The following RP1L1 variants were observed in gnomAD, a reference collection of about 807,000 sequenced individuals.
RP1L1 encodes the protein retinitis pigmentosa 1-like 1 protein.
Under a neutral mutation model 15.7 loss-of-function variants are expected in RP1L1, and 27 were observed. The ratio of observed to expected loss-of-function variants is 1.72; its 90% CI spans 1.27 to 2.38. The LOEUF is 2.38. Ranked by LOEUF, RP1L1 falls within the 30% of genes most tolerant of loss-of-function variation. The pLI, the probability that RP1L1 is intolerant of heterozygous loss-of-function variation, is 0.00. For synonymous variants in RP1L1, 1,813 were observed against 1,276.7 expected, an observed-to-expected ratio of 1.42 and a Z score of -8.96; for missense variants, 4,798 against 3,075.9, an observed-to-expected ratio of 1.56 and a Z score of -13.24.
intron 1 of RP1L1, among the ~76,000 whole-genome samples, chr8:10,629,207 G>T (rs1350519296): frequency 6.6e-6 from 1 of 152,216 alleles, no homozygotes; most frequent in African/African-American, 2.4e-5. Flanking sequence ...CATATAAACA[G>T]CCAAGGAACA....
chr8:10,639,644 G>C (rs1798380200), intron 1 of RP1L1, among the ~76,000 whole-genome samples: 1 of 152,162 alleles, frequency 6.6e-6, no homozygotes, highest in South Asian at 2.1e-4. Flanking sequence ...AGAGCACTGG[G>C]ATTACAAGTG....
chr8:10,610,669 G>C lies in RP1L1; in HGVS notation c.3429C>G (p.Asp1143Glu), dbSNP rs373102394. The C allele has an allele frequency of 5.0e-6, 8 of 1,612,172 alleles. No individual in the cohort carries two copies. Among genetic ancestry groups the C allele is most frequent in the South Asian group, 3.3e-5 (3 of 90,932 alleles). Residue 1143 changes from aspartate (D) to glutamate (E), a missense_variant, in exon 4 of 4, where the codon GAC becomes GAG. Physicochemically the swap from Asp to Glu is conservative, Grantham distance 45 (BLOSUM62 2). Coordinates refer to ENST00000382483, the MANE Select transcript of RP1L1 (RefSeq NM_178857.6). ...GSPASKVRFK[D>E]SPRYQELLSI... ...TGAGCAGCTCCTGGTACCGAGGGGA[G>C]TCTTTGAACCTCACTTTGCTGGCAG...
chr8:10,614,661 CAAAAAAAA>C (rs772003815), intron 3 of RP1L1, among the ~76,000 whole-genome samples: 2 of 75,620 alleles, frequency 2.6e-5, no homozygotes, highest in African/African-American at 5.6e-5. Flanking sequence ...ATTCTGTCGT[CAAAAAAAA>C]AAAAAAAAAA....
chr8:10,650,849 G>A (rs913106866), intron 1 of RP1L1, among the ~76,000 whole-genome samples: 2 of 152,144 alleles, frequency 1.3e-5, no homozygotes, highest in South Asian at 2.1e-4. Flanking sequence ...TTACAGGCAT[G>A]AGCCACCACA....
Position 10,612,599 on chromosome 8 carries a change from C to T in RP1L1, c.1499G>A (p.Gly500Asp). The change falls in exon 4 of 4, where the codon GGT (glycine) becomes GAT (aspartate). Residue 500 changes from glycine to aspartate, a missense_variant. By Grantham distance (94) the Gly-to-Asp change is moderately conservative. Transcript: ENST00000382483. ...ATCTATGCATAGGCCGGGGTCCTCA[C>T]CCAGGCTCCCTCCAGCTTTCCGCTC... is the stretch of plus-strand genomic sequence containing the variant. ...GAERKAGGSL[G>D]EDPGLCIDGA... 2 of 1,603,624 alleles carry T rather than the reference C, an allele frequency of 1.2e-6. No homozygotes were observed. Among genetic ancestry groups the T allele is most frequent in the Non-Finnish European group, 8.5e-7 (1 of 1,179,482 alleles).
rs760321383 is a variant in RP1L1 at position 10,610,251 on chromosome 8, G to T, written c.3847C>A (p.Gln1283Lys). The T allele has an allele frequency of 1.9e-6, 3 of 1,613,992 alleles. No homozygotes were observed. In the African/African-American group the frequency reaches 4.0e-5, roughly 22 times the overall value. Reference protein sequence around the residue: ...EDEAERDSEEQRASSNLEQLA... With the variant: ...EDEAERDSEEKRASSNLEQLA... ...TGCTCCAGGTTCGAGCTCGCCCTCT[G>T]CTCCTCACTGTCTCTTTCTGCTTCA... The change falls in exon 4 of 4, where the codon CAG becomes AAG. Residue 1283 changes from glutamine to lysine, a missense_variant. Coordinates refer to ENST00000382483, the MANE Select transcript of RP1L1 (RefSeq NM_178857.6).
At chr8:10,631,281 A>G (rs1325462846) in intron 1 of RP1L1, among the ~76,000 whole-genome samples, 1 of 150,916 alleles carries the variant, frequency 6.6e-6, no homozygotes, top group Non-Finnish European at 1.5e-5. Flanking sequence ...ACACGCATGC[A>G]CACACACGCA....
At chr8:10,623,285 C>A in intron 1 of RP1L1, 65 bp from the exon 2 acceptor site, 2 of 1,286,864 alleles carry the variant, frequency 1.6e-6, no homozygotes, top group Non-Finnish European at 2.1e-6. Context: ...CCTGTCTCTT[C>A]CCGTCTTTCT....
intron 1 of RP1L1, among the ~76,000 whole-genome samples, chr8:10,645,772 C>T (rs1462716807): frequency 6.6e-6 from 1 of 152,122 alleles, no homozygotes; most frequent in African/African-American, 2.4e-5. Flanking sequence ...GCGAGTCCAG[C>T]CCCCCAGAGT....
intron 1 of RP1L1, among the ~76,000 whole-genome samples, chr8:10,650,198 A>G (rs1054477318): frequency 2.6e-5 from 4 of 152,204 alleles, no homozygotes; most frequent in Non-Finnish European, 5.9e-5. Context: ...AGAGAATCCC[A>G]GAGTCTCTAC....
intron 3 of RP1L1, 145 bp downstream of exon 3, chr8:10,616,301 G>A (rs1000779458): frequency 2.9e-6 from 3 of 1,019,156 alleles, no homozygotes; most frequent in Admixed American, 1.9e-5. Flanking sequence ...GGAGGAAGAG[G>A]CAAGAGAGAT....
In RP1L1 at chr8:10,618,399, T is replaced by C. The variant is rs568344490; in HGVS notation, c.610-1812A>G. 2.0e-5 allele frequency among the ~76,000 whole-genome samples: 3 copies of C among 152,246 alleles called. No homozygotes were observed. The East Asian group carries it at 5.8e-4, about 29-fold the overall frequency. ...GGTAGACGCCTGTAATCCTAGCTAC[T>C]TGGGAGGCTGAGGCAGAGAATTGCT... On this transcript the variant is annotated intron_variant, in intron 2 of 3. Coordinates refer to ENST00000382483, the MANE Select transcript of RP1L1 (RefSeq NM_178857.6).
Position 10,606,708 on chromosome 8 carries a change from T to A in RP1L1, c.*187A>T. ...CTGCGTGTGGGACGGGCCGCAGAGC[T>A]CTCTGACACTTCTGGACTTAAGAGT... On this transcript the variant is annotated 3_prime_UTR_variant, in exon 4 of 4. Coordinates refer to ENST00000382483, the MANE Select transcript of RP1L1 (RefSeq NM_178857.6). The A allele has an allele frequency of 1.1e-5, 11 of 971,228 alleles. No individual in the cohort carries two copies. Among genetic ancestry groups the A allele is most frequent in the Non-Finnish European group, 1.6e-5 (11 of 673,358 alleles). 60.2% of individuals were successfully genotyped at this position (971,228 alleles called of 1,614,324 possible). A position where few individuals can be genotyped will look rare whatever the true frequency, so the allele number is the denominator to read the frequency against.
rs755599243 is a variant in RP1L1 at position 10,611,634 on chromosome 8, G to C, written c.2464C>G (p.Arg822Gly). 7.4e-6 allele frequency: 12 copies of C among 1,612,742 alleles called. No individual in the cohort carries two copies. The highest frequency in any genetic ancestry group is 2.7e-5 in the African/African-American group (2 of 74,928). ...RPEQGAVGPH[R>G]SHCCSQPGTQ... ...CCAGGCTGTGAGCAGCAGTGGCTTC[G>C]GTGGGGGCCCACCGCCCCTTGCTCA... The change falls in exon 4 of 4, where the codon CGA becomes GGA. Residue 822 changes from arginine (R) to glycine (G), a missense_variant. Coordinates refer to ENST00000382483, the MANE Select transcript of RP1L1 (RefSeq NM_178857.6).
chr8:10,617,546 CTTTTTTTTTTTTTTTT>C (rs777209714), intron 2 of RP1L1, among the ~76,000 whole-genome samples: 2 of 63,390 alleles, frequency 3.2e-5, no homozygotes, highest in African/African-American at 6.2e-5. Flanking sequence ...GTTTCTTTTT[CTTTTTTTTTTTTTTTT>C]TTTTTTTTTT....
At chr8:10,623,374 G>C (rs1255493881) in intron 1 of RP1L1, among the ~76,000 whole-genome samples, 154 bp from the exon 2 acceptor site, 1 of 152,180 alleles carries the variant, frequency 6.6e-6, no homozygotes, top group South Asian at 2.1e-4. Flanking sequence ...TGGAACAGAA[G>C]GAAGGACAAA....
intron 1 of RP1L1, among the ~76,000 whole-genome samples, chr8:10,631,887 C>T (rs932027462): frequency 2.0e-5 from 3 of 152,218 alleles, no homozygotes; most frequent in African/African-American, 4.8e-5. Flanking sequence ...GAAGCCAGCA[C>T]GGGGCGGATT....
At position 10,612,067 on chromosome 8, in the gene RP1L1, T is replaced by C. The variant is rs753744306; in HGVS notation, c.2031A>G (p.Pro677=). The change falls in exon 4 of 4, where the codon CCA becomes CCG. Residue 677 remains proline (P), a synonymous_variant. Transcript: ENST00000382483. ...CTTGCTTGGTTACAGAGGAGTCCAG[T>C]GGGCTGTGGGTGTCCTTGCGGTAGT... The part of the protein sequence containing the change: ...HSHYRKDTHS[P]LDSSVTKQVP... The C allele has an allele frequency of 4.3e-6, 7 of 1,613,712 alleles. 1 individual carries two copies. The South Asian group carries it at 6.6e-5, about 15-fold the overall frequency.
intron 2 of RP1L1, chr8:10,621,822 T>A (rs1279246377): frequency 4.2e-6 from 2 of 472,954 alleles, no homozygotes; most frequent in Non-Finnish European, 8.5e-6. Context: ...TCAATAATCA[T>A]AGTGGCTTCC....
Sources: allele counts gnomAD v4.1 joint callset (sites outside exome capture counted in the v4.1 genomes callset), GRCh38; gene constraint gnomAD v4.1.1; transcripts MANE v1.5; gene names NCBI Gene and HGNC (gene_info 2026-07-23, HGNC 2026-07-21).